PLP1: variants seen among roughly 807,000 people sequenced by gnomAD.
PLP1 encodes the protein proteolipid protein 1, also known as myelin proteolipid protein.
Under a neutral mutation model 18.5 loss-of-function variants are expected in PLP1, and 2 were observed. The ratio of observed to expected loss-of-function variants is 0.11; its 90% CI spans 0.04 to 0.34. The LOEUF (loss-of-function observed/expected upper bound fraction) is 0.34, where lower values mean the gene tolerates loss of function less well. Among genes scored for constraint, PLP1 ranks in the 10% least tolerant of loss-of-function variants. PLP1 has a pLI of 1.00. For missense variants in PLP1, 105 were observed against 207.3 expected (o/e 0.51, Z 3.03); for synonymous variants, 86 against 83.2 (o/e 1.03, Z -0.19).
At chrX:103,785,019 A>G (rs2074482667) in intron 1 of PLP1, among the ~76,000 whole-genome samples, 1 of 112,040 alleles carries the variant, frequency 8.9e-6, no homozygotes, top group South Asian at 3.6e-4. Context: ...AATTATTATT[A>G]TTTATTAAAT....
chrX:103,782,506 T>A (rs1008767138), intron 1 of PLP1, among the ~76,000 whole-genome samples: 1 of 111,971 alleles, frequency 8.9e-6, no homozygotes, highest in Non-Finnish European at 1.9e-5. Flanking sequence ...ACTCTCAGGT[T>A]ATTTGGATGA....
At chrX:103,779,290 C>A (rs941332216) in intron 1 of PLP1, among the ~76,000 whole-genome samples, 1 of 112,158 alleles carries the variant, frequency 8.9e-6, no homozygotes, top group Admixed American at 9.5e-5. Context: ...CCCTGGTAAC[C>A]AGACTGTGAT....
chrX:103,790,784 C>T lies in PLP1; in HGVS notation c.*186C>T, dbSNP rs1198085906. The T allele has an allele frequency of 2.1e-6, 1 of 466,003 alleles. No homozygotes were observed. The highest frequency in any genetic ancestry group is 3.8e-6 in the Non-Finnish European group (1 of 262,039). 38.4% of individuals were successfully genotyped at this position (466,003 alleles called of 1,213,427 possible). On this transcript the variant is annotated 3_prime_UTR_variant, in exon 7 of 7. Transcript: ENST00000621218. The stretch of plus-strand genomic sequence containing the variant: ...TCTTTGGACTCTCCCCTCTTATGTA[C>T]CTCTTTTAGTCATTTTGCTTCATAG...
At position 103,791,835 on chromosome X, in the gene PLP1, T is replaced by C. The variant is rs942429475; in HGVS notation, c.*1237T>C. 1 of 113,142 alleles carries C rather than the reference T, an allele frequency of 8.8e-6. No homozygotes were observed. The highest frequency in any genetic ancestry group is 1.9e-5 in the Non-Finnish European group (1 of 53,375). 9.3% of individuals were successfully genotyped at this position (113,142 alleles called of 1,213,427 possible). ...CTATTGGGATTTTCTACAAGTATTC[T>C]GCCTTTGCAGAAACAGATTTGGTGA... On this transcript the variant is annotated 3_prime_UTR_variant, in exon 7 of 7. Coordinates refer to ENST00000621218, the MANE Select transcript of PLP1 (RefSeq NM_000533.5).
At chrX:103,788,045 GA>G in intron 4 of PLP1, 79 bp downstream of exon 4, 2 of 805,738 alleles carry the variant, frequency 2.5e-6, no homozygotes, top group Non-Finnish European at 3.8e-6. Context: ...TTAGTGTAAG[GA>G]GGGTGGTGAT....
chrX:103,782,799 A>AC lies in PLP1; in HGVS notation c.5-2777dup, dbSNP rs2074464098. 1.1e-3 allele frequency among the ~76,000 whole-genome samples: 6 copies of AC among 5,607 alleles called. No homozygotes were observed. The South Asian group carries it at 0.027, about 25-fold the overall frequency. 4.9% of individuals were successfully genotyped at this position (5,607 alleles called of 115,157 possible). A position where few individuals can be genotyped will look rare whatever the true frequency, so the allele number is the denominator to read the frequency against. On this transcript the variant is annotated intron_variant, in intron 1 of 6. Transcript: ENST00000621218. ...GTTCCCTGAGTCTGACCCCCTCCCC[A>AC]CCCCCCGGCTGCAGGCCCCTGTGGA...
At chrX:103,788,649 C>T in intron 5 of PLP1, 139 bp downstream of exon 5, 2 of 577,315 alleles carry the variant, frequency 3.5e-6, no homozygotes, top group Non-Finnish European at 6.2e-6. Context: ...AACATGTTGG[C>T]TAAGTGTGCC....
At chrX:103,777,048 T>A in intron 1 of PLP1, 49 bp downstream of exon 1, 1 of 1,124,404 alleles carries the variant, frequency 8.9e-7, no homozygotes, top group Non-Finnish European at 1.2e-6. Flanking sequence ...ACACAGGAAT[T>A]CACAAGAGAA....
intron 5 of PLP1, chrX:103,789,122 A>G (rs1309953140): frequency 2.2e-6 from 1 of 464,999 alleles, no homozygotes; most frequent in Non-Finnish European, 3.8e-6. Context: ...TTTCATGACT[A>G]TTCTGTGATC....
chrX:103,784,885 A>G (rs1017158222), intron 1 of PLP1, among the ~76,000 whole-genome samples: 5 of 112,349 alleles, frequency 4.5e-5, no homozygotes, highest in African/African-American at 1.6e-4. Context: ...AATGCTGGGC[A>G]TATAGTGAGT....
Position 103,778,702 on chromosome X carries a change from G to T in PLP1, c.4+1703G>T, listed in dbSNP as rs567332701. ...TGGGTCCCAGGTCCTAAGGGTGGAC[G>T]ATACTTGGGCCAGGTACATATGATG... is the stretch of plus-strand genomic sequence containing the variant. On this transcript the variant is annotated intron_variant, in intron 1 of 6. Transcript: ENST00000621218. 3.3e-3 allele frequency among the ~76,000 whole-genome samples: 363 copies of T among 111,439 alleles called. 1 individual carries two copies. Among genetic ancestry groups the T allele is most frequent in the Middle Eastern group, 9.3e-3 (2 of 216 alleles).
At chrX:103,784,843 T>C (rs942536325) in intron 1 of PLP1, among the ~76,000 whole-genome samples, 1 of 111,941 alleles carries the variant, frequency 8.9e-6, no homozygotes, top group African/African-American at 3.3e-5. Flanking sequence ...CTGTGTCTTT[T>C]CTCTCTTCAT....
chrX:103,785,164 C>T (rs1260790185), intron 1 of PLP1, among the ~76,000 whole-genome samples: 1 of 110,999 alleles, frequency 9.0e-6, no homozygotes, highest in Non-Finnish European at 1.9e-5. Context: ...CAACCTCCGC[C>T]TCCTCCTGGG....
intron 1 of PLP1, 61 bp from the exon 2 acceptor site, chrX:103,785,521 G>T (rs1260109691): frequency 9.8e-7 from 1 of 1,022,375 alleles, no homozygotes. Flanking sequence ...TGGCAGAGGG[G>T]TTTGAGTGGC....
chrX:103,790,464 G>C, intron 6 of PLP1, 63 bp from the exon 7 acceptor site: 2 of 798,680 alleles, frequency 2.5e-6, no homozygotes, highest in Admixed American at 4.4e-5. Flanking sequence ...TTCCCAAAGG[G>C]ATTTGAGGAG....
chrX:103,783,699 T>C (rs948148610), intron 1 of PLP1, among the ~76,000 whole-genome samples: 5 of 112,175 alleles, frequency 4.5e-5, no homozygotes, highest in Admixed American at 9.4e-5. Flanking sequence ...GTAACTAATG[T>C]TAACAGAATC....
rs756986379 is a variant in PLP1, at chrX:103,776,966, G to T, written c.-30G>T. On this transcript the variant is annotated 5_prime_UTR_variant, in exon 1 of 7. Coordinates refer to ENST00000621218, the MANE Select transcript of PLP1 (RefSeq NM_000533.5). ...CAGCCACAAAGCAGACTAGCCAGCC[G>T]GCTACAATTGGAGTCAGAGTCCCAA... The T allele has an allele frequency of 1.7e-6, 2 of 1,200,885 alleles. No homozygotes were observed. Among genetic ancestry groups the T allele is most frequent in the South Asian group, 3.5e-5 (2 of 56,426 alleles).
chrX:103,790,541 T>C lies in PLP1; in HGVS notation c.777T>C (p.Ile259=). The part of the protein sequence containing the change: ...ATLVSLLTFM[I]AATYNFAVLK... ...GTTCCCTACAGCTCACCTTCATGAT[T>C]GCTGCCACTTACAACTTTGCCGTCC... The change falls in exon 7 of 7, where the codon ATT becomes ATC. Residue 259 remains isoleucine (I), a synonymous_variant. Coordinates refer to ENST00000621218, the MANE Select transcript of PLP1 (RefSeq NM_000533.5). The C allele has an allele frequency of 3.3e-6, 4 of 1,208,053 alleles. No individual in the cohort carries two copies. The highest frequency in any genetic ancestry group is 4.5e-6 in the Non-Finnish European group (4 of 891,928).
intron 2 of PLP1, 96 bp downstream of exon 2, chrX:103,785,864 A>T: frequency 1.2e-6 from 1 of 836,559 alleles, no homozygotes; most frequent in Non-Finnish European, 1.8e-6. Flanking sequence ...CTAGCAGGGG[A>T]CTGGGGTGGA....
Sources: allele counts gnomAD v4.1 joint callset (sites outside exome capture counted in the v4.1 genomes callset), GRCh38; gene constraint gnomAD v4.1.1; transcripts MANE v1.5; gene names NCBI Gene and HGNC (gene_info 2026-07-23, HGNC 2026-07-21).